Variants in FAM193A observed in about 807,000 individuals in gnomAD.
FAM193A encodes the protein family with sequence similarity 193 member A.
A neutral mutation model predicts 126.5 loss-of-function variants in FAM193A; 22 were observed. The observed-to-expected ratio is 0.17, with a 90% confidence interval of 0.12 to 0.25. The LOEUF (loss-of-function observed/expected upper bound fraction) is 0.25. Ranked by LOEUF, FAM193A falls within the 10% of genes least tolerant of loss-of-function variation. The probability of loss-of-function intolerance (pLI) is 1.00; values close to 1 mark genes in which losing one functional copy is unlikely to be tolerated. For missense variants in FAM193A, 1,675 were observed against 1,672.8 expected, an observed-to-expected ratio of 1.00 and a Z score of -0.02; for synonymous variants, 761 against 646.8, an observed-to-expected ratio of 1.18 and a Z score of -2.68.
chr4:2,602,654 G>A (rs919797653), intron 2 of FAM193A, among the ~76,000 whole-genome samples: 3 of 151,586 alleles, frequency 2.0e-5, no homozygotes, highest in Non-Finnish European at 2.9e-5. Flanking sequence ...CATGTTTTTC[G>A]TTTTGATGTT....
In FAM193A at chr4:2,731,958, G is replaced by C. The variant is rs548508072; in HGVS notation, c.*90G>C. ...CCCCTCGCTGGCGCCCCAGAGCCGT[G>C]GTGCTTGCCAAGGGCTGTGCGGAGC... On this transcript the variant is annotated 3_prime_UTR_variant, in exon 21 of 21. Coordinates refer to ENST00000637812, the MANE Select transcript of FAM193A (RefSeq NM_001366318.2). 6.5e-5 allele frequency: 66 copies of C among 1,016,896 alleles called. No individual in the cohort carries two copies. In the African/African-American group the frequency reaches 8.3e-4, roughly 13 times the overall value. 63.0% of individuals were successfully genotyped at this position (1,016,896 alleles called of 1,614,324 possible). A position where few individuals can be genotyped will look rare whatever the true frequency, so the allele number is the denominator to read the frequency against.
intron 1 of FAM193A, among the ~76,000 whole-genome samples, chr4:2,591,733 A>G (rs1740581830): frequency 6.6e-6 from 1 of 152,238 alleles, no homozygotes; most frequent in African/African-American, 2.4e-5. Context: ...TTTCAAAACT[A>G]GAATATAAGC....
Position 2,690,386 on chromosome 4 carries a change from G to A in FAM193A, c.2531-312G>A, listed in dbSNP as rs528021286. Among the ~76,000 whole-genome samples, 9 of 152,272 alleles carry A rather than the reference G, an allele frequency of 5.9e-5. No individual in the cohort carries two copies. In the East Asian group the frequency reaches 1.7e-3, roughly 29 times the overall value. ...AAGGATTTCTAGCTGTGTGACCTTG[G>A]GCAAGTTGCTTGGCCTCTCTGAGCC... On this transcript the variant is annotated intron_variant, in intron 14 of 20. Transcript: ENST00000637812.
At chr4:2,540,390 C>T (rs549841794) in intron 1 of FAM193A, among the ~76,000 whole-genome samples, 7 of 152,186 alleles carry the variant, frequency 4.6e-5, no homozygotes, top group African/African-American at 1.7e-4. Flanking sequence ...ATAGTGTGAA[C>T]CTGGGAGGCG....
At chr4:2,576,044 T>C (rs1433807176) in intron 1 of FAM193A, among the ~76,000 whole-genome samples, 1 of 152,192 alleles carries the variant, frequency 6.6e-6, no homozygotes, top group African/African-American at 2.4e-5. Context: ...TTGGCACTAC[T>C]GAATGATTTA....
chr4:2,566,187 A>G (rs776271000), intron 1 of FAM193A, among the ~76,000 whole-genome samples: 2 of 151,974 alleles, frequency 1.3e-5, no homozygotes, highest in Non-Finnish European at 2.9e-5. Context: ...AGCTGGGACT[A>G]CAGGCGCCCG....
rs1577093220 is a variant in FAM193A at position 2,626,455 on chromosome 4, C to T, written c.681C>T (p.Asn227=). ...ACCGGGAACCTCAGCAGCTGCAGAA[C>T]TACTGGTCAGAAGTGCGCTACACGG... ...EADREPQQLQ[N]YWSEVRYTVR... Residue 227 remains asparagine (N), a synonymous_variant, in exon 4 of 21, where the codon AAC becomes AAT. Coordinates refer to ENST00000637812, the MANE Select transcript of FAM193A (RefSeq NM_001366318.2). 1.4e-6 allele frequency: 1 copy of T among 701,240 alleles called. No individual in the cohort carries two copies. The highest frequency in any genetic ancestry group is 1.7e-5 in the African/African-American group (1 of 57,248). The allele number at this position is 701,240 out of a possible 1,614,324, so 43.4% of individuals were successfully genotyped here.
intron 1 of FAM193A, among the ~76,000 whole-genome samples, chr4:2,585,081 C>T (rs926495218): frequency 6.6e-6 from 1 of 152,176 alleles, no homozygotes; most frequent in African/African-American, 2.4e-5. Context: ...TTGAACTTAG[C>T]TATGGTTTAT....
At chr4:2,537,997 T>C (rs1158219568) in intron 1 of FAM193A, among the ~76,000 whole-genome samples, 1 of 152,218 alleles carries the variant, frequency 6.6e-6, no homozygotes, top group African/African-American at 2.4e-5. Context: ...GAGGGTACAC[T>C]ATTTATAAGT....
intron 1 of FAM193A, among the ~76,000 whole-genome samples, chr4:2,563,650 TC>T (rs1193111642): frequency 6.6e-6 from 1 of 152,222 alleles, no homozygotes; most frequent in Non-Finnish European, 1.5e-5. Context: ...AACCAACACT[TC>T]CACTTTCTGT....
chr4:2,572,901 T>TGA (rs949566906), intron 1 of FAM193A, among the ~76,000 whole-genome samples: 86 of 147,296 alleles, frequency 5.8e-4, no homozygotes, highest in East Asian at 2.4e-3. Context: ...GCGATGGGGG[T>TGA]GAGAGAGAGA....
At chr4:2,547,325 GA>G (rs1737624409) in intron 1 of FAM193A, among the ~76,000 whole-genome samples, 1 of 152,148 alleles carries the variant, frequency 6.6e-6, no homozygotes, top group Admixed American at 6.6e-5. Flanking sequence ...CCTGGGAGGT[GA>G]AGGTTGCTAT....
intron 20 of FAM193A, among the ~76,000 whole-genome samples, chr4:2,727,032 G>A (rs533601588): frequency 1.9e-4 from 29 of 151,892 alleles, no homozygotes; most frequent in African/African-American, 6.0e-4. Flanking sequence ...AGGCCAAAGC[G>A]GGCGGATCAC....
chr4:2,642,722 A>T (rs1487126303), intron 6 of FAM193A, among the ~76,000 whole-genome samples: 1 of 151,086 alleles, frequency 6.6e-6, no homozygotes, highest in Admixed American at 6.6e-5. Context: ...GTGCATCATA[A>T]AACTCCCATC....
intron 13 of FAM193A, among the ~76,000 whole-genome samples, chr4:2,689,083 G>A (rs764240373): frequency 2.6e-5 from 4 of 152,248 alleles, no homozygotes; most frequent in Admixed American, 6.5e-5. Flanking sequence ...CTGGGTATAA[G>A]AGGTCAGTGT....
chr4:2,636,402 T>A (rs1258155685), intron 5 of FAM193A, among the ~76,000 whole-genome samples: 3 of 152,114 alleles, frequency 2.0e-5, no homozygotes, highest in Non-Finnish European at 4.4e-5. Context: ...TCCTGATAGA[T>A]CTTCTCTGAG....
intron 5 of FAM193A, among the ~76,000 whole-genome samples, chr4:2,631,736 A>T (rs1487061746): frequency 6.6e-6 from 1 of 152,162 alleles, no homozygotes; most frequent in Non-Finnish European, 1.5e-5. Context: ...GACAGTCCTA[A>T]CAAAAGAGAC....
Position 2,673,819 on chromosome 4 carries a change from T to A in FAM193A, c.2331+1447T>A, listed in dbSNP as rs1714092378. ...AAATAAGTAAGATAGTAAAATTGAT[T>A]ATTACTAAAGACTGTGGGGCCCCTT... On this transcript the variant is annotated intron_variant, in intron 13 of 20. Coordinates refer to ENST00000637812, the MANE Select transcript of FAM193A (RefSeq NM_001366318.2). Among the ~76,000 whole-genome samples the A allele has an allele frequency of 4.6e-5, 7 of 152,318 alleles. No homozygotes were observed. In the South Asian group the frequency reaches 1.5e-3, roughly 32 times the overall value.
chr4:2,554,439 G>A (rs1002695609), intron 1 of FAM193A, among the ~76,000 whole-genome samples: 3 of 152,150 alleles, frequency 2.0e-5, no homozygotes, highest in Non-Finnish European at 2.9e-5. Context: ...GTTAACATCA[G>A]AGATCATTCT....
Sources: allele counts gnomAD v4.1 joint callset (sites outside exome capture counted in the v4.1 genomes callset), GRCh38; gene constraint gnomAD v4.1.1; transcripts MANE v1.5; gene names NCBI Gene and HGNC (gene_info 2026-07-23, HGNC 2026-07-21).